RSPO3: variants seen among roughly 807,000 people sequenced by gnomAD.
RSPO3 encodes R-spondin 3, also known as R-spondin-3.
In RSPO3, 17 loss-of-function variants were observed where a neutral mutation model predicts 36.5. The observed-to-expected ratio is 0.47, with a 90% CI of 0.32 to 0.70. The LOEUF (loss-of-function observed/expected upper bound fraction) is 0.70. Among genes scored for constraint, RSPO3 ranks in the 30% least tolerant of loss-of-function variants. The probability of loss-of-function intolerance (pLI) is 0.04; values close to 1 mark genes in which losing one functional copy is unlikely to be tolerated. For missense variants in RSPO3, 294 were observed against 322.5 expected, an observed-to-expected ratio of 0.91 and a Z score of 0.68; for synonymous variants, 108 against 107.0, an observed-to-expected ratio of 1.01 and a Z score of -0.06.
intron 3 of RSPO3, among the ~76,000 whole-genome samples, chr6:127,150,954 A>C (rs1005890805): frequency 6.6e-6 from 1 of 151,800 alleles, no homozygotes; most frequent in African/African-American, 2.4e-5. Flanking sequence ...TGTGACATAC[A>C]TATATGTCTT....
In RSPO3 at chr6:127,198,679, A is replaced by G. The variant is rs933283374; in HGVS notation, c.*2672A>G. Among the ~76,000 whole-genome samples the G allele has an allele frequency of 6.6e-6, 1 of 152,306 alleles. No homozygotes were observed. The highest frequency in any genetic ancestry group is 2.4e-5 in the African/African-American group (1 of 41,572). ...AAGGGAAGGCCTGTTTTCTATCCTC[A>G]GATTTAGGTTCTAGTAGCAGTTGTG... On this transcript the variant is annotated 3_prime_UTR_variant, in exon 5 of 5. Coordinates refer to ENST00000356698, the MANE Select transcript of RSPO3 (RefSeq NM_032784.5).
At position 127,119,070 on chromosome 6, in the gene RSPO3, A is replaced by T. The variant is rs758823113; in HGVS notation, c.-123A>T. On this transcript the variant is annotated 5_prime_UTR_variant, in exon 1 of 5. Coordinates refer to ENST00000356698, the MANE Select transcript of RSPO3 (RefSeq NM_032784.5). ...CAGCACGCCTATCGGATGTGAGAGG[A>T]GAAGTCCCGCTGCTCGGGCACTGTC... 1.5e-4 allele frequency: 100 copies of T among 682,926 alleles called. No homozygotes were observed. Among genetic ancestry groups the T allele is most frequent in the Non-Finnish European group, 1.7e-4 (70 of 410,684 alleles). The allele number at this position is 682,926 out of a possible 1,614,324, so 42.3% of individuals were successfully genotyped here.
intron 4 of RSPO3, among the ~76,000 whole-genome samples, chr6:127,174,996 T>C (rs942679168): frequency 6.6e-6 from 1 of 151,726 alleles, no homozygotes; most frequent in Non-Finnish European, 1.5e-5. Context: ...TTTATATCCC[T>C]GACTTTAAGC....
chr6:127,134,474 T>C (rs1438822224), intron 1 of RSPO3, among the ~76,000 whole-genome samples: 1 of 152,166 alleles, frequency 6.6e-6, no homozygotes, highest in Non-Finnish European at 1.5e-5. Context: ...CTGAAGCATT[T>C]TCAAACCTTT....
chr6:127,197,162 T>C lies in RSPO3; in HGVS notation c.*1155T>C, dbSNP rs1412645260. On this transcript the variant is annotated 3_prime_UTR_variant, in exon 5 of 5. Coordinates refer to ENST00000356698, the MANE Select transcript of RSPO3 (RefSeq NM_032784.5). The stretch of plus-strand genomic sequence containing the variant: ...TGGTTCCTATGTAATTCAGAATATA[T>C]TACATTTCTCAGTAATATTTGTTTT... The C allele has an allele frequency of 5.3e-6, 2 of 376,466 alleles. No individual in the cohort carries two copies. Among genetic ancestry groups the C allele is most frequent in the East Asian group, 4.7e-5 (1 of 21,234 alleles). 23.3% of individuals were successfully genotyped at this position (376,466 alleles called of 1,614,324 possible).
chr6:127,140,344 A>C (rs1405454038), intron 1 of RSPO3, among the ~76,000 whole-genome samples: 1 of 152,038 alleles, frequency 6.6e-6, no homozygotes, highest in Non-Finnish European at 1.5e-5. Flanking sequence ...ACTTATTCCC[A>C]CACACACACT....
At chr6:127,177,713 T>C (rs957104270) in intron 4 of RSPO3, among the ~76,000 whole-genome samples, 6 of 151,822 alleles carry the variant, frequency 4.0e-5, no homozygotes, top group African/African-American at 1.2e-4. Flanking sequence ...TACTTTATTT[T>C]CATAGCTTGA....
intron 4 of RSPO3, among the ~76,000 whole-genome samples, chr6:127,174,147 G>A (rs9491704): frequency 0.47 from 70,972 of 151,644 alleles, 16,779 homozygotes; most frequent in East Asian, 0.53. Flanking sequence ...AAAATTTAAA[G>A]AGGCTTTGAA....
chr6:127,128,733 A>G (rs1001665921), intron 1 of RSPO3, among the ~76,000 whole-genome samples: 19 of 152,120 alleles, frequency 1.2e-4, no homozygotes, highest in Admixed American at 1.0e-3. Flanking sequence ...TGTAGCACTG[A>G]TTGGTACAGA....
rs528105966 is a variant in RSPO3 at position 127,121,559 on chromosome 6, A to G, written c.97+2270A>G. On this transcript the variant is annotated intron_variant, in intron 1 of 4. Transcript: ENST00000356698. The stretch of plus-strand genomic sequence containing the variant: ...CGTTTGCGGCTTGGTTTGCTGGTGC[A>G]ATCCTGGTAGAGGGGCGACCCCTTG... 1.3e-3 allele frequency among the ~76,000 whole-genome samples: 204 copies of G among 152,202 alleles called. 3 individuals are homozygous for G. Among genetic ancestry groups the G allele is most frequent in the Admixed American group, 0.013 (198 of 15,290 alleles).
At chr6:127,173,603 CT>C (rs750748545) in intron 4 of RSPO3, among the ~76,000 whole-genome samples, 9 of 151,840 alleles carry the variant, frequency 5.9e-5, no homozygotes, top group Non-Finnish European at 1.0e-4. Flanking sequence ...CATATATGGT[CT>C]CCTAAATGCT....
Position 127,150,511 on chromosome 6 carries a change from C to T in RSPO3, c.375C>T (p.Cys125=). The T allele has an allele frequency of 6.2e-7, 1 of 1,612,374 alleles. No individual in the cohort carries two copies. Among genetic ancestry groups the T allele is most frequent in the Non-Finnish European group, 8.5e-7 (1 of 1,179,074 alleles). The change falls in exon 3 of 5, where the codon TGC becomes TGT. Residue 125 remains cysteine (C), a synonymous_variant. Transcript: ENST00000356698. ...GATTTTACTTACACCTTGGAAAGTGCCTTGACAATTGCCCAGAAGGGTTGG... is the reference window on the plus strand; with the variant it reads ...GATTTTACTTACACCTTGGAAAGTGTCTTGACAATTGCCCAGAAGGGTTGG... ...KSGFYLHLGK[C]LDNCPEGLEA... is the part of the protein sequence containing the mutation.
intron 4 of RSPO3, among the ~76,000 whole-genome samples, chr6:127,183,181 T>C (rs1358648288): frequency 2.0e-5 from 3 of 151,978 alleles, no homozygotes; most frequent in African/African-American, 7.2e-5. Flanking sequence ...AAAACTGTCC[T>C]AGAACTCAAA....
At chr6:127,165,575 A>G (rs910219144) in intron 4 of RSPO3, among the ~76,000 whole-genome samples, 5 of 151,996 alleles carry the variant, frequency 3.3e-5, no homozygotes, top group Admixed American at 2.6e-4. Context: ...ACTTCTCTCC[A>G]TCAGTCCCTT....
intron 4 of RSPO3, among the ~76,000 whole-genome samples, chr6:127,170,186 G>A (rs1451848249): frequency 6.6e-6 from 1 of 151,674 alleles, no homozygotes; most frequent in Non-Finnish European, 1.5e-5. Flanking sequence ...AGATTGCTTG[G>A]CTATCTACAG....
intron 4 of RSPO3, among the ~76,000 whole-genome samples, chr6:127,184,802 T>A (rs1775258023): frequency 1.3e-5 from 2 of 151,968 alleles, no homozygotes; most frequent in Non-Finnish European, 2.9e-5. Context: ...CTCTTCAGAA[T>A]CATTAAAAAT....
chr6:127,150,727 T>A (rs947484031), intron 3 of RSPO3, among the ~76,000 whole-genome samples, 155 bp downstream of exon 3: 4 of 150,410 alleles, frequency 2.7e-5, no homozygotes, highest in African/African-American at 9.8e-5. Context: ...CTCTTAAAGG[T>A]GTTTTTCATA....
intron 3 of RSPO3, among the ~76,000 whole-genome samples, chr6:127,150,918 T>C (rs1774479507): frequency 1.3e-5 from 2 of 151,774 alleles, no homozygotes; most frequent in African/African-American, 4.8e-5. Context: ...AAGACACACA[T>C]ATGTATATCT....
At chr6:127,126,912 A>C (rs1336548786) in intron 1 of RSPO3, among the ~76,000 whole-genome samples, 1 of 151,942 alleles carries the variant, frequency 6.6e-6, no homozygotes, top group African/African-American at 2.4e-5. Context: ...CTGTATCCAA[A>C]GCAGTTTATT....
Sources: allele counts gnomAD v4.1 joint callset (sites outside exome capture counted in the v4.1 genomes callset), GRCh38; gene constraint gnomAD v4.1.1; transcripts MANE v1.5; gene names NCBI Gene and HGNC (gene_info 2026-07-23, HGNC 2026-07-21).